CAV3: variants seen among roughly 807,000 people sequenced by gnomAD.
The protein encoded by CAV3 is caveolin-3.
Under a neutral mutation model 13.4 loss-of-function variants are expected in CAV3, and 10 were observed. The observed-to-expected ratio is 0.75, with a 90% CI of 0.46 to 1.27. The LOEUF (loss-of-function observed/expected upper bound fraction) is 1.27, where lower values mean the gene tolerates loss of function less well. CAV3 is among the 50% of genes most tolerant of loss of function. CAV3 has a pLI of 0.00. For missense variants in CAV3, 162 were observed against 194.0 expected (o/e 0.83, Z 0.98); for synonymous variants, 90 against 79.0 (o/e 1.14, Z -0.74).
chr3:8,746,108 A>T lies in CAV3; in HGVS notation c.*241A>T. On this transcript the variant is annotated 3_prime_UTR_variant, in exon 2 of 2. Coordinates refer to ENST00000343849, the MANE Select transcript of CAV3 (RefSeq NM_033337.3). Reference sequence around the variant, plus strand: ...CCCCCATGCCTGGGCGTGGGGGAAGATCATTTGCCAAGAGGCAGCTACTGC... The same window carrying T: ...CCCCCATGCCTGGGCGTGGGGGAAGTTCATTTGCCAAGAGGCAGCTACTGC... The T allele has an allele frequency of 4.0e-6, 2 of 497,788 alleles. No homozygotes were observed. Among genetic ancestry groups the T allele is most frequent in the Non-Finnish European group, 7.2e-6 (2 of 276,520 alleles). 30.8% of individuals were successfully genotyped at this position (497,788 alleles called of 1,614,324 possible).
rs967832698 is a variant in CAV3 at position 8,745,324 on chromosome 3, C to A, written c.115-202C>A. ...CCTGCACAGATCACAGACCCATGGG[C>A]CAATTAAACCTCCTTTCTTTATCAA... On this transcript the variant is annotated intron_variant, in intron 1 of 1. Coordinates refer to ENST00000343849, the MANE Select transcript of CAV3 (RefSeq NM_033337.3). This position sits in a 1 kb window ranked among gnomAD's most constrained non-coding sequence, Gnocchi z 4.8. Among the ~76,000 whole-genome samples the A allele has an allele frequency of 2.0e-5, 3 of 152,142 alleles. No homozygotes were observed. The highest frequency in any genetic ancestry group is 4.4e-5 in the Non-Finnish European group (3 of 68,030).
At chr3:8,734,864 G>A (rs773562712) in intron 1 of CAV3, among the ~76,000 whole-genome samples, 9 of 152,166 alleles carry the variant, frequency 5.9e-5, no homozygotes, top group Non-Finnish European at 1.2e-4. Flanking sequence ...GACCACAGGC[G>A]AGTGCCACCA....
At chr3:8,735,952 C>T (rs1448054558) in intron 1 of CAV3, among the ~76,000 whole-genome samples, 3 of 152,304 alleles carry the variant, frequency 2.0e-5, no homozygotes, top group Admixed American at 6.5e-5. Flanking sequence ...TCTTCTTATA[C>T]TGGATATTAT....
At position 8,746,007 on chromosome 3, in the gene CAV3, G is replaced by C. The variant is rs1196689469; in HGVS notation, c.*140G>C. The C allele has an allele frequency of 3.0e-6, 2 of 665,438 alleles. No individual in the cohort carries two copies. Among genetic ancestry groups the C allele is most frequent in the African/African-American group, 3.6e-5 (2 of 55,074 alleles). The allele number at this position is 665,438 out of a possible 1,614,324, so 41.2% of individuals were successfully genotyped here. A position where few individuals can be genotyped will look rare whatever the true frequency, so the allele number is the denominator to read the frequency against. On this transcript the variant is annotated 3_prime_UTR_variant, in exon 2 of 2. Transcript: ENST00000343849. ...ACCCCATGATGGAGCACACGGTGTA[G>C]GGAAGCCAGAAAGAAAAGACGGCCC... is the stretch of plus-strand genomic sequence containing the variant.
chr3:8,746,153 T>G lies in CAV3; in HGVS notation c.*286T>G. ...TACTGCAAGTCTTTGCGTTCACTTGTACTGTAACAACATAAACCAGCACGC... is the reference window on the plus strand; with the variant it reads ...TACTGCAAGTCTTTGCGTTCACTTGGACTGTAACAACATAAACCAGCACGC... On this transcript the variant is annotated 3_prime_UTR_variant, in exon 2 of 2. Coordinates refer to ENST00000343849, the MANE Select transcript of CAV3 (RefSeq NM_033337.3). 2.6e-6 allele frequency: 1 copy of G among 391,168 alleles called. No individual in the cohort carries two copies. The highest frequency in any genetic ancestry group is 4.7e-6 in the Non-Finnish European group (1 of 212,020). 24.2% of individuals were successfully genotyped at this position (391,168 alleles called of 1,614,324 possible).
At chr3:8,734,519 C>T (rs994777036) in intron 1 of CAV3, among the ~76,000 whole-genome samples, 2 of 152,052 alleles carry the variant, frequency 1.3e-5, no homozygotes, top group East Asian at 1.9e-4. Flanking sequence ...CCCCTAGCTA[C>T]CCCCTCACCC....
intron 1 of CAV3, among the ~76,000 whole-genome samples, chr3:8,741,011 G>C (rs764596881): frequency 3.9e-5 from 6 of 152,172 alleles, no homozygotes; most frequent in Non-Finnish European, 7.3e-5. Flanking sequence ...TATACATCGT[G>C]GGTGTTACCA....
Position 8,746,417 on chromosome 3 carries a change from C to G in CAV3, c.*550C>G, listed in dbSNP as rs1559656465. ...CACTTGGCCAAATGTAAGTGAAGAA[C>G]AGAGTCTTTTTCTTCTTCGGATTCT... is the stretch of plus-strand genomic sequence containing the variant. On this transcript the variant is annotated 3_prime_UTR_variant, in exon 2 of 2. Transcript: ENST00000343849. 6.5e-6 allele frequency: 1 copy of G among 153,444 alleles called. No individual in the cohort carries two copies. The highest frequency in any genetic ancestry group is 1.9e-4 in the East Asian group (1 of 5,212). The allele number at this position is 153,444 out of a possible 1,614,324, so 9.5% of individuals were successfully genotyped here.
Position 8,733,844 on chromosome 3 carries a change from G to A in CAV3, c.-33G>A, listed in dbSNP as rs72546666. On this transcript the variant is annotated 5_prime_UTR_variant, in exon 1 of 2. Coordinates refer to ENST00000343849, the MANE Select transcript of CAV3 (RefSeq NM_033337.3). ...TCAGCCCCAGCCGGCCACACAGCTC[G>A]GATCTCCTCCTGTGGATCCCCCCAG... 3.5e-5 allele frequency: 48 copies of A among 1,372,806 alleles called. No individual in the cohort carries two copies. Among genetic ancestry groups the A allele is most frequent in the South Asian group, 1.6e-4 (14 of 85,992 alleles). The allele number at this position is 1,372,806 out of a possible 1,614,324, so 85.0% of individuals were successfully genotyped here.
chr3:8,745,501 AG>A lies in CAV3; in HGVS notation c.115-23del. 1 of 1,589,400 alleles carries A rather than the reference AG, an allele frequency of 6.3e-7. No individual in the cohort carries two copies. The highest frequency in any genetic ancestry group is 8.6e-7 in the Non-Finnish European group (1 of 1,157,698). On this transcript the variant is annotated intron_variant, in intron 1 of 1. Transcript: ENST00000343849. This position sits in a 1 kb window ranked among gnomAD's most constrained non-coding sequence, Gnocchi z 4.8. ...AGAAGCGGGTGGCTTCTGTGAGTTG[AG>A]GCTTCCCCTTGCCACCCCTGCAGGT...
Position 8,745,997 on chromosome 3 carries a change from A to AGTC in CAV3, c.*130_*131insGTC. 1.4e-6 allele frequency: 1 copy of AGTC among 707,546 alleles called. No individual in the cohort carries two copies. Among genetic ancestry groups the AGTC allele is most frequent in the Non-Finnish European group, 2.3e-6 (1 of 429,114 alleles). The allele number at this position is 707,546 out of a possible 1,614,324, so 43.8% of individuals were successfully genotyped here. A position where few individuals can be genotyped will look rare whatever the true frequency, so the allele number is the denominator to read the frequency against. ...ACTGCTCCATACCCCATGATGGAGC[A>AGTC]CACGGTGTAGGGAAGCCAGAAAGAA... On this transcript the variant is annotated 3_prime_UTR_variant, in exon 2 of 2. Transcript: ENST00000343849. The surrounding 1 kb of genome is among the most constrained non-coding windows in gnomAD (Gnocchi z 4.8).
At chr3:8,740,874 G>T (rs978804347) in intron 1 of CAV3, among the ~76,000 whole-genome samples, 1 of 152,150 alleles carries the variant, frequency 6.6e-6, no homozygotes, top group Admixed American at 6.5e-5. Context: ...GCCCTGCTGG[G>T]GTATCTGGCC....
Position 8,745,921 on chromosome 3 carries a change from C to A in CAV3, c.*54C>A. 4 of 1,453,080 alleles carry A rather than the reference C, an allele frequency of 2.8e-6. No individual in the cohort carries two copies. The South Asian group carries it at 3.6e-5, about 13-fold the overall frequency. The allele number at this position is 1,453,080 out of a possible 1,614,324, so 90.0% of individuals were successfully genotyped here. Reference sequence around the variant, plus strand: ...GCAGGGGGTGGTGGGCCAGACTGGTCCCCGGGGGACTTCTTCACAGGGGCT... The same window carrying A: ...GCAGGGGGTGGTGGGCCAGACTGGTACCCGGGGGACTTCTTCACAGGGGCT... On this transcript the variant is annotated 3_prime_UTR_variant, in exon 2 of 2. Coordinates refer to ENST00000343849, the MANE Select transcript of CAV3 (RefSeq NM_033337.3). This position sits in a 1 kb window ranked among gnomAD's most constrained non-coding sequence, Gnocchi z 4.8.
In CAV3 at chr3:8,745,771, C is replaced by G; in HGVS notation, c.360C>G (p.Ile120Met). ...TCGAGATCCAGTGCATCAGCCACAT[C>G]TACTCACTCTGCATCCGCACCTTCT... ...YLIEIQCISH[I>M]YSLCIRTFCN... The change falls in exon 2 of 2, where the codon ATC (isoleucine) becomes ATG (methionine). Residue 120 changes from isoleucine to methionine, a missense_variant. Transcript: ENST00000343849. The surrounding 1 kb of genome is among the most constrained non-coding windows in gnomAD (Gnocchi z 4.8). 1 of 1,614,128 alleles carries G rather than the reference C, an allele frequency of 6.2e-7. No homozygotes were observed. Among genetic ancestry groups the G allele is most frequent in the East Asian group, 2.2e-5 (1 of 44,882 alleles).
intron 1 of CAV3, among the ~76,000 whole-genome samples, chr3:8,740,139 T>A (rs1227280983): frequency 6.6e-6 from 1 of 151,832 alleles, no homozygotes; most frequent in African/African-American, 2.4e-5. Context: ...CAGAGCAGAG[T>A]ATAAAAGTGG....
chr3:8,742,643 C>G (rs889651261), intron 1 of CAV3: 7 of 417,008 alleles, frequency 1.7e-5, no homozygotes, highest in Non-Finnish European at 3.4e-5. Context: ...ATTACCATCA[C>G]AATAGCCAGG....
Position 8,745,969 on chromosome 3 carries a change from G to C in CAV3, c.*102G>C, listed in dbSNP as rs1575478287. On this transcript the variant is annotated 3_prime_UTR_variant, in exon 2 of 2. Transcript: ENST00000343849. This position sits in a 1 kb window ranked among gnomAD's most constrained non-coding sequence, Gnocchi z 4.8. ...GCTGCTGGCGAGCTCTTTCTCTTTAGGGACTGCTCCATACCCCATGATGGA... is the reference window on the plus strand; with the variant it reads ...GCTGCTGGCGAGCTCTTTCTCTTTACGGACTGCTCCATACCCCATGATGGA... 1.1e-6 allele frequency: 1 copy of C among 923,156 alleles called. No individual in the cohort carries two copies. Among genetic ancestry groups the C allele is most frequent in the East Asian group, 2.6e-5 (1 of 39,122 alleles). The allele number at this position is 923,156 out of a possible 1,614,324, so 57.2% of individuals were successfully genotyped here. A position where few individuals can be genotyped will look rare whatever the true frequency, so the allele number is the denominator to read the frequency against.
chr3:8,738,060 T>TC (rs1707823357), intron 1 of CAV3, among the ~76,000 whole-genome samples: 2 of 150,566 alleles, frequency 1.3e-5, no homozygotes, highest in Non-Finnish European at 3.0e-5. Flanking sequence ...CTCTCTCCTC[T>TC]CTCTCTCTTC....
chr3:8,736,141 T>C (rs1027888444), intron 1 of CAV3, among the ~76,000 whole-genome samples: 10 of 152,222 alleles, frequency 6.6e-5, no homozygotes, highest in African/African-American at 2.4e-4. Flanking sequence ...CTAGCAGGAA[T>C]AGTCCTGGAC....
Sources: gnomAD v4.1 joint callset for allele counts (sites outside exome capture counted in the v4.1 genomes callset) on GRCh38, gnomAD v4.1.1 for gene constraint, Gnocchi (gnomAD v3.1) non-coding constraint, MANE v1.5 for transcripts, NCBI Gene and HGNC (gene_info 2026-07-23, HGNC 2026-07-21) for gene names.